The following CDKN2B-AS1 variants were observed in gnomAD, a reference collection of about 807,000 sequenced individuals.
CDKN2B-AS1 encodes the protein CDKN2B antisense RNA 1 (non-protein coding).
chr9:22,103,154 TG>T, intron 4 of CDKN2B-AS1, among the ~76,000 whole-genome samples: 1 of 151,006 alleles, frequency 6.6e-6, no homozygotes, highest in African/African-American at 2.4e-5. Flanking sequence ...TGTGTGTGTG[TG>T]TGTGTGTGTG....
intron 4 of CDKN2B-AS1, among the ~76,000 whole-genome samples, chr9:22,086,057 C>T (rs991753005): frequency 2.0e-5 from 3 of 152,046 alleles, no homozygotes; most frequent in African/African-American, 7.2e-5. Flanking sequence ...CTTCATTCTG[C>T]TATTACTAGA....
chr9:22,111,783 A>G (rs1460632909), intron 4 of CDKN2B-AS1, among the ~76,000 whole-genome samples: 1 of 152,224 alleles, frequency 6.6e-6, no homozygotes, highest in African/African-American at 2.4e-5. Context: ...GTAAATGTTT[A>G]TGATGTGACA....
intron 4 of CDKN2B-AS1, among the ~76,000 whole-genome samples, chr9:22,091,632 A>T (rs1825087956): frequency 6.6e-6 from 1 of 151,716 alleles, no homozygotes; most frequent in Admixed American, 6.6e-5. Context: ...TCTGTCTGTT[A>T]TTGGTGTATA....
chr9:22,079,253 G>A (rs1298731622), intron 4 of CDKN2B-AS1, among the ~76,000 whole-genome samples: 1 of 152,222 alleles, frequency 6.6e-6, no homozygotes, highest in African/African-American at 2.4e-5. Flanking sequence ...GGAAGCCGAG[G>A]CGGGAGGATC....
intron 1 of CDKN2B-AS1, among the ~76,000 whole-genome samples, chr9:22,010,189 G>A (rs1821428152): frequency 6.6e-6 from 1 of 152,132 alleles, no homozygotes; most frequent in African/African-American, 2.4e-5. Context: ...CATTAAACAG[G>A]CTGAACCTGT....
chr9:22,016,595 C>T (rs1418488111), intron 1 of CDKN2B-AS1, among the ~76,000 whole-genome samples: 1 of 152,006 alleles, frequency 6.6e-6, no homozygotes, highest in African/African-American at 2.4e-5. Context: ...GGTACCAAAA[C>T]AGAGATATAG....
chr9:22,041,163 G>C (rs1215563479), intron 1 of CDKN2B-AS1, among the ~76,000 whole-genome samples: 3 of 152,000 alleles, frequency 2.0e-5, no homozygotes, highest in Admixed American at 1.3e-4. Context: ...GAGAAAATGT[G>C]TTGGAAAGTG....
At chr9:22,009,272 G>A (rs1821370502) in intron 1 of CDKN2B-AS1, 1 of 513,180 alleles carries the variant, frequency 1.9e-6, no homozygotes, top group Admixed American at 3.6e-5. Context: ...ACGCGTCGCG[G>A]AGTCCTCACT....
At position 22,061,869 on chromosome 9, in the gene CDKN2B-AS1, T is replaced by C. The variant is rs1228236462; in HGVS notation, n.438+5482T>C. The C allele has an allele frequency of 5.3e-5, 8 of 152,258 alleles. No individual in the cohort carries two copies. In the East Asian group the frequency reaches 1.3e-3, roughly 26 times the overall value. 9.4% of individuals were successfully genotyped at this position (152,258 alleles called of 1,614,324 possible). A position where few individuals can be genotyped will look rare whatever the true frequency, so the allele number is the denominator to read the frequency against. ...ATCTATATATCTATATATACACTTA[T>C]ATATGTATGTAAAATATGTAGGCTT... is the stretch of plus-strand genomic sequence containing the variant. On this transcript the variant is annotated intron_variant and non_coding_transcript_variant, in intron 4 of 4. Transcript: ENST00000650946.
chr9:22,098,157 CTGTGTGTGTGTGTGTG>C (rs35998780), intron 4 of CDKN2B-AS1, among the ~76,000 whole-genome samples: 1 of 146,014 alleles, frequency 6.8e-6, no homozygotes, highest in African/African-American at 2.5e-5. Context: ...CTCTCTGTCT[CTGTGTGTGTGTGTGTG>C]TGTGTGTGTG....
rs78384643 is a variant in CDKN2B-AS1 at position 22,100,565 on chromosome 9, T to C, written n.439-26538T>C. Among the ~76,000 whole-genome samples, 43 of 152,344 alleles carry C rather than the reference T, an allele frequency of 2.8e-4. 2 individuals carry two copies. In the East Asian group the frequency reaches 6.4e-3, roughly 23 times the overall value. On this transcript the variant is annotated intron_variant and non_coding_transcript_variant, in intron 4 of 4. Transcript: ENST00000650946. Reference sequence around the variant, plus strand: ...CACCTTTTGTTTTTCTGTTCATCAGTTGAAGAACATTGCAGCCGTTTTTGC... The same window carrying C: ...CACCTTTTGTTTTTCTGTTCATCAGCTGAAGAACATTGCAGCCGTTTTTGC...
At chr9:22,038,796 A>G (rs1480740537) in intron 1 of CDKN2B-AS1, among the ~76,000 whole-genome samples, 1 of 152,084 alleles carries the variant, frequency 6.6e-6, no homozygotes, top group Non-Finnish European at 1.5e-5. Flanking sequence ...AAGACAAAGT[A>G]TGCATATGTA....
intron 4 of CDKN2B-AS1, among the ~76,000 whole-genome samples, chr9:22,111,219 C>T (rs902703310): frequency 6.6e-6 from 1 of 152,080 alleles, no homozygotes; most frequent in African/African-American, 2.4e-5. Flanking sequence ...CACTACAAAA[C>T]TGAGGCCTAG....
At chr9:22,073,026 G>A (rs551248855) in intron 4 of CDKN2B-AS1, among the ~76,000 whole-genome samples, 1 of 152,262 alleles carries the variant, frequency 6.6e-6, no homozygotes, top group South Asian at 2.1e-4. Flanking sequence ...TAATATTACA[G>A]ACCATTCCTT....
At chr9:22,012,088 A>T (rs117423440) in intron 1 of CDKN2B-AS1, 71 of 690,484 alleles carry the variant, frequency 1.0e-4, no homozygotes, top group Non-Finnish European at 1.7e-4. Flanking sequence ...TGACCTTGAT[A>T]TAGAAGTATG....
chr9:22,045,041 T>TGTGTGA (rs1371814197), intron 1 of CDKN2B-AS1, among the ~76,000 whole-genome samples: 3 of 143,794 alleles, frequency 2.1e-5, no homozygotes, highest in Non-Finnish European at 4.7e-5. Context: ...TATTTATTTG[T>TGTGTGA]GTGTGTGTGT....
At chr9:22,079,754 A>G (rs574118635) in intron 4 of CDKN2B-AS1, among the ~76,000 whole-genome samples, 1 of 152,200 alleles carries the variant, frequency 6.6e-6, no homozygotes, top group South Asian at 2.1e-4. Flanking sequence ...ACCATCCTTG[A>G]TCGACATTCA....
intron 4 of CDKN2B-AS1, chr9:22,120,085 G>A (rs1826059758): frequency 6.6e-6 from 1 of 152,238 alleles, no homozygotes; most frequent in African/African-American, 2.4e-5. Flanking sequence ...CACTTAGGTT[G>A]TTGTGAAGAT....
chr9:22,083,940 T>C (rs1824783837), intron 4 of CDKN2B-AS1, among the ~76,000 whole-genome samples: 1 of 152,196 alleles, frequency 6.6e-6, no homozygotes, highest in Non-Finnish European at 1.5e-5. Flanking sequence ...AAAACTTCAG[T>C]TTTCCCTCAA....
Sources: allele counts gnomAD v4.1 joint callset (sites outside exome capture counted in the v4.1 genomes callset), GRCh38; gene constraint gnomAD v4.1.1; transcripts MANE v1.5; gene names NCBI Gene and HGNC (gene_info 2026-07-23, HGNC 2026-07-21).